Variants in ME2 observed in about 807,000 individuals in gnomAD.
The protein encoded by ME2 is NAD-dependent malic enzyme, mitochondrial.
Under a neutral mutation model 73.7 loss-of-function variants are expected in ME2, and 60 were observed. The ratio of observed to expected loss-of-function variants is 0.81; its 90% CI spans 0.66 to 1.01. The LOEUF (loss-of-function observed/expected upper bound fraction) is 1.01, where lower values mean the gene tolerates loss of function less well. Among genes scored for constraint, ME2 ranks in the 50% least tolerant of loss-of-function variants. The pLI is 0.00. For missense variants in ME2, 594 were observed against 705.5 expected (o/e 0.84, Z 1.79); for synonymous variants, 199 against 236.9 (o/e 0.84, Z 1.47).
At chr18:50,892,807 C>A (rs963132253) in intron 1 of ME2, among the ~76,000 whole-genome samples, 5 of 151,974 alleles carry the variant, frequency 3.3e-5, no homozygotes, top group African/African-American at 1.2e-4. Context: ...TCAGTGGAGT[C>A]ATGAAGTGAA....
chr18:50,927,291 T>C (rs1404197718), intron 12 of ME2, among the ~76,000 whole-genome samples: 1 of 152,196 alleles, frequency 6.6e-6, no homozygotes, highest in Non-Finnish European at 1.5e-5. Context: ...ACTACATCCT[T>C]GAGAGTAAGT....
intron 2 of ME2, among the ~76,000 whole-genome samples, chr18:50,902,617 G>C (rs558250657): frequency 6.6e-6 from 1 of 152,052 alleles, no homozygotes. Flanking sequence ...GGCTGATCTC[G>C]AACTCCTGAC....
At chr18:50,910,975 C>T (rs1599103064) in intron 3 of ME2, among the ~76,000 whole-genome samples, 1 of 152,192 alleles carries the variant, frequency 6.6e-6, no homozygotes, top group South Asian at 2.1e-4. Context: ...CATCATATGG[C>T]TACCCAAAAT....
intron 12 of ME2, among the ~76,000 whole-genome samples, chr18:50,927,410 T>C (rs1476991547): frequency 2.6e-5 from 4 of 151,976 alleles, no homozygotes; most frequent in Non-Finnish European, 5.9e-5. Context: ...TTTAAAAATA[T>C]AACCACAGGG....
intron 1 of ME2, among the ~76,000 whole-genome samples, chr18:50,891,903 C>T (rs74816494): frequency 0.018 from 2,662 of 151,288 alleles, 85 homozygotes; most frequent in African/African-American, 0.061. Flanking sequence ...AGCTCTGCCT[C>T]GCAGACTCAT....
At chr18:50,943,177 T>C (rs976709364) in intron 15 of ME2, among the ~76,000 whole-genome samples, 1 of 152,308 alleles carries the variant, frequency 6.6e-6, no homozygotes, top group African/African-American at 2.4e-5. Context: ...TAGTCTTCTA[T>C]TTCTAGATTA....
intron 2 of ME2, among the ~76,000 whole-genome samples, chr18:50,903,979 G>A (rs1300892853): frequency 6.6e-6 from 1 of 152,164 alleles, no homozygotes; most frequent in East Asian, 1.9e-4. Flanking sequence ...TCTCCAACTT[G>A]TTGAATTGTC....
chr18:50,926,254 T>A (rs1917549713), intron 12 of ME2, among the ~76,000 whole-genome samples: 1 of 152,216 alleles, frequency 6.6e-6, no homozygotes, highest in African/African-American at 2.4e-5. Flanking sequence ...ATCATTTTCC[T>A]TCTACCAGAA....
chr18:50,881,240 T>G (rs1269813846), intron 1 of ME2, among the ~76,000 whole-genome samples: 1 of 152,064 alleles, frequency 6.6e-6, no homozygotes, highest in Non-Finnish European at 1.5e-5. Context: ...TTTCACCATG[T>G]TTTTCAGGCT....
intron 2 of ME2, among the ~76,000 whole-genome samples, chr18:50,896,480 C>T (rs545971485): frequency 2.2e-4 from 34 of 152,252 alleles, no homozygotes; most frequent in Non-Finnish European, 4.1e-4. Flanking sequence ...ACAAAAGTGA[C>T]GTGCAATATT....
chr18:50,894,182 T>C (rs1336795432), intron 1 of ME2, among the ~76,000 whole-genome samples: 1 of 152,214 alleles, frequency 6.6e-6, no homozygotes, highest in Non-Finnish European at 1.5e-5. Context: ...GGAAGTGGTA[T>C]GGGAGGCAGA....
At chr18:50,894,617 T>C (rs1568160137) in intron 1 of ME2, among the ~76,000 whole-genome samples, 1 of 148,356 alleles carries the variant, frequency 6.7e-6, no homozygotes, top group Non-Finnish European at 1.5e-5. Context: ...ACGCCTGTAA[T>C]CCCAGCACTT....
intron 3 of ME2, among the ~76,000 whole-genome samples, chr18:50,911,269 T>G (rs1917148709): frequency 6.6e-6 from 1 of 152,220 alleles, no homozygotes; most frequent in South Asian, 2.1e-4. Context: ...CAGAGAAGTC[T>G]TCTTCCCTTT....
chr18:50,884,738 A>G (rs1320270619), intron 1 of ME2, among the ~76,000 whole-genome samples: 6 of 152,224 alleles, frequency 3.9e-5, no homozygotes, highest in African/African-American at 1.4e-4. Context: ...TACTGATTCC[A>G]AAATGTATTT....
intron 2 of ME2, among the ~76,000 whole-genome samples, chr18:50,903,042 C>G (rs550329163): frequency 2.7e-4 from 41 of 152,144 alleles, no homozygotes; most frequent in African/African-American, 9.6e-4. Context: ...CTTTCAGGAT[C>G]AGCTGGAGGA....
intron 2 of ME2, among the ~76,000 whole-genome samples, chr18:50,907,568 A>G (rs1012839186): frequency 1.3e-5 from 2 of 152,216 alleles, no homozygotes; most frequent in African/African-American, 4.8e-5. Flanking sequence ...TATGACATAG[A>G]TTAATTTTTT....
chr18:50,917,508 C>A lies in ME2; in HGVS notation c.630C>A (p.Ile210=). 1 of 1,565,976 alleles carries A rather than the reference C, an allele frequency of 6.4e-7. No homozygotes were observed. Among genetic ancestry groups the A allele is most frequent in the Middle Eastern group, 1.7e-4 (1 of 5,856 alleles). ...GTATTGATGTGGGAACTGATAATAT[C>A]GTGAGTAACATCATTTTCCCCCTTT... ...PVCIDVGTDN[I]ALLKDPFYMG... The change falls in exon 6 of 16, where the codon ATC becomes ATA. Residue 210 remains isoleucine (I), a splice_region_variant and synonymous_variant. Coordinates refer to ENST00000321341, the MANE Select transcript of ME2 (RefSeq NM_002396.5).
At chr18:50,905,386 T>C (rs978804228) in intron 2 of ME2, among the ~76,000 whole-genome samples, 1 of 152,206 alleles carries the variant, frequency 6.6e-6, no homozygotes, top group Non-Finnish European at 1.5e-5. Context: ...TCAAATCTAC[T>C]GTTGAACCCC....
chr18:50,895,883 A>G lies in ME2; in HGVS notation c.63A>G (p.Ile21Met). The part of the protein sequence containing the change: ...TCTLACRHLH[I>M]KEKGKPLMLN... ...CTTTGGCATGTCGACATTTGCACAT[A>G]AAAGAAAAAGGCAAGCCACTTATGC... is the stretch of plus-strand genomic sequence containing the variant. Residue 21 changes from isoleucine to methionine, a missense_variant, in exon 2 of 16, where the codon ATA becomes ATG. By Grantham distance (10) the Ile-to-Met change is conservative. Transcript: ENST00000321341. 1.2e-6 allele frequency: 2 copies of G among 1,613,960 alleles called. No individual in the cohort carries two copies. Among genetic ancestry groups the G allele is most frequent in the Non-Finnish European group, 1.7e-6 (2 of 1,179,950 alleles).
Sources: gnomAD v4.1 joint callset for allele counts (sites outside exome capture counted in the v4.1 genomes callset) on GRCh38, gnomAD v4.1.1 for gene constraint, MANE v1.5 for transcripts, NCBI Gene and HGNC (gene_info 2026-07-23, HGNC 2026-07-21) for gene names.